ANO3: variants seen among roughly 807,000 people sequenced by gnomAD.
ANO3 encodes anoctamin-3.
ANO3 carries 99 observed loss-of-function variants against 144.8 expected under a neutral mutation model. That is an observed-to-expected ratio of 0.68 (90% CI 0.58 to 0.81). The LOEUF is 0.81. Among genes scored for constraint, ANO3 ranks in the 30% least tolerant of loss-of-function variants. The pLI is 0.00. For missense variants in ANO3, 905 were observed against 1,202.2 expected (o/e 0.75, Z 3.66); for synonymous variants, 414 against 392.6 (o/e 1.05, Z -0.64).
At chr11:26,641,860 A>C (rs377562989) in intron 21 of ANO3, 36 bp from the exon 22 acceptor site, 5 of 1,602,448 alleles carry the variant, frequency 3.1e-6, no homozygotes, top group Non-Finnish European at 4.3e-6. Flanking sequence ...TGCTTGAATC[A>C]GAGCTCAAAA....
intron 4 of ANO3, among the ~76,000 whole-genome samples, chr11:26,487,635 G>A (rs1041165779): frequency 6.6e-6 from 1 of 152,106 alleles, no homozygotes; most frequent in Non-Finnish European, 1.5e-5. Flanking sequence ...AAAAAATGCC[G>A]ATAGTGATAT....
chr11:26,443,163 T>C (rs1398841721), intron 2 of ANO3, among the ~76,000 whole-genome samples: 2 of 152,236 alleles, frequency 1.3e-5, no homozygotes, highest in Non-Finnish European at 2.9e-5. Flanking sequence ...CTAAAAAATA[T>C]CAAAATTATT....
intron 1 of ANO3, chr11:26,189,363 A>C: frequency 4.1e-6 from 4 of 972,486 alleles, no homozygotes; most frequent in Non-Finnish European, 4.9e-6. Context: ...ATGTATGAGT[A>C]TCTTAACTTA....
At chr11:26,614,829 ACTC>A (rs1214550596) in intron 17 of ANO3, among the ~76,000 whole-genome samples, 5 of 151,854 alleles carry the variant, frequency 3.3e-5, no homozygotes, top group African/African-American at 1.2e-4. Flanking sequence ...TGGTGTCTGT[ACTC>A]CACATAAATT....
intron 17 of ANO3, among the ~76,000 whole-genome samples, chr11:26,616,897 T>C (rs10767561): frequency 0.7 from 105,847 of 151,990 alleles, 38,002 homozygotes; most frequent in East Asian, 0.84. Flanking sequence ...CTCAGCCTCC[T>C]GAGTAGCTGG....
Position 26,346,955 on chromosome 11 carries a change from T to C in ANO3, c.46+14634T>C, listed in dbSNP as rs113192440. Among the ~76,000 whole-genome samples, 213 of 152,340 alleles carry C rather than the reference T, an allele frequency of 1.4e-3. 2 individuals carry two copies. Among genetic ancestry groups the C allele is most frequent in the African/African-American group, 4.6e-3 (192 of 41,576 alleles). On this transcript the variant is annotated intron_variant, in intron 1 of 26. Transcript: ENST00000256737. ...ACAGTTTTATACACAGCCATTGCCA[T>C]TCTTATCTTTGGAATAAACTCCTGG...
intron 17 of ANO3, among the ~76,000 whole-genome samples, chr11:26,606,029 A>C (rs1851926534): frequency 6.6e-6 from 1 of 152,110 alleles, no homozygotes; most frequent in South Asian, 2.1e-4. Flanking sequence ...TTGTGATGTT[A>C]GGGTGCTGAT....
At chr11:26,555,142 G>T (rs1850048160) in intron 13 of ANO3, among the ~76,000 whole-genome samples, 2 of 152,144 alleles carry the variant, frequency 1.3e-5, no homozygotes, top group Non-Finnish European at 1.5e-5. Context: ...CAGAACAAAT[G>T]TTTAGTTTTT....
rs751827385 is a variant in ANO3 at position 26,641,895 on chromosome 11, G to A, written c.2142-1G>A. ...AGTCCTTGGTCTGCTCTGTGATGTA[G>A]GTTGATCCAGAACTGGTGGTCACGA... On this transcript the variant is annotated splice_acceptor_variant, in intron 21 of 26. Transcript: ENST00000256737. LOFTEE classifies it high-confidence loss of function. 1 of 1,613,878 alleles carries A rather than the reference G, an allele frequency of 6.2e-7. No individual in the cohort carries two copies. The highest frequency in any genetic ancestry group is 1.1e-5 in the South Asian group (1 of 91,050).
At chr11:26,631,400 A>T (rs188911886) in intron 18 of ANO3, among the ~76,000 whole-genome samples, 28 of 152,214 alleles carry the variant, frequency 1.8e-4, no homozygotes, top group Non-Finnish European at 3.2e-4. Flanking sequence ...TTAAAAATAA[A>T]TAAAATAGTG....
intron 1 of ANO3, among the ~76,000 whole-genome samples, chr11:26,211,437 T>G (rs938993971): frequency 6.6e-6 from 1 of 152,106 alleles, no homozygotes; most frequent in Non-Finnish European, 1.5e-5. Flanking sequence ...CTAACATTTA[T>G]GTGGCCAATG....
At chr11:26,543,689 A>G (rs1025926439) in intron 11 of ANO3, among the ~76,000 whole-genome samples, 3 of 152,102 alleles carry the variant, frequency 2.0e-5, no homozygotes, top group East Asian at 1.9e-4. Context: ...GTTACCACCT[A>G]TGAGTGAGAA....
chr11:26,213,030 C>A (rs1341733191), intron 1 of ANO3, among the ~76,000 whole-genome samples: 1 of 152,046 alleles, frequency 6.6e-6, no homozygotes, highest in Non-Finnish European at 1.5e-5. Flanking sequence ...ACGACAAAAA[C>A]CACCTGATTA....
chr11:26,586,369 T>A (rs1851277024), intron 14 of ANO3, among the ~76,000 whole-genome samples: 1 of 150,674 alleles, frequency 6.6e-6, no homozygotes, highest in Non-Finnish European at 1.5e-5. Context: ...TTTTTTTTTT[T>A]TTTTTTGAGA....
At chr11:26,496,999 C>T (rs1049958229) in intron 4 of ANO3, among the ~76,000 whole-genome samples, 2 of 89,684 alleles carry the variant, frequency 2.2e-5, no homozygotes, top group African/African-American at 7.9e-5. Context: ...TATATATACA[C>T]ACACAGACAC....
chr11:26,456,297 A>C (rs578131330), intron 3 of ANO3, among the ~76,000 whole-genome samples: 66 of 152,292 alleles, frequency 4.3e-4, no homozygotes, highest in African/African-American at 1.6e-3. Context: ...AACCTACAAA[A>C]TGGGACAAAA....
At chr11:26,297,412 A>G (rs16915436) in intron 1 of ANO3, among the ~76,000 whole-genome samples, 6,609 of 152,272 alleles carry the variant, frequency 0.043, 479 homozygotes, top group African/African-American at 0.15. Context: ...ACATTCTTGC[A>G]TAAGCCATAA....
intron 1 of ANO3, among the ~76,000 whole-genome samples, chr11:26,285,370 T>C (rs918605268): frequency 2.0e-5 from 3 of 152,210 alleles, no homozygotes; most frequent in South Asian, 2.1e-4. Context: ...AAAGATGTCA[T>C]TGTTATTAAG....
chr11:26,421,741 T>C (rs1022177693), intron 1 of ANO3, among the ~76,000 whole-genome samples: 2 of 152,022 alleles, frequency 1.3e-5, no homozygotes, highest in African/African-American at 4.8e-5. Context: ...GTGGTACATA[T>C]ATACCATGGA....
Sources: gnomAD v4.1 joint callset for allele counts (sites outside exome capture counted in the v4.1 genomes callset) on GRCh38, gnomAD v4.1.1 for gene constraint, MANE v1.5 for transcripts, NCBI Gene and HGNC (gene_info 2026-07-23, HGNC 2026-07-21) for gene names.